Variants in ATRNL1 observed in about 807,000 individuals in gnomAD.
ATRNL1 encodes attractin-like protein 1.
Under a neutral mutation model 182.7 loss-of-function variants are expected in ATRNL1, and 95 were observed. The observed-to-expected ratio is 0.52, with a 90% CI of 0.44 to 0.62. The LOEUF (loss-of-function observed/expected upper bound fraction) is 0.62. ATRNL1 is among the 20% of genes least tolerant of loss of function. The pLI, the probability that ATRNL1 is intolerant of heterozygous loss-of-function variation, is 0.00. For missense variants in ATRNL1, 1,471 were observed against 1,679.5 expected, an observed-to-expected ratio of 0.88 and a Z score of 2.17; for synonymous variants, 576 against 568.3, an observed-to-expected ratio of 1.01 and a Z score of -0.19.
At chr10:115,860,515 C>G (rs1007301123) in intron 28 of ATRNL1, among the ~76,000 whole-genome samples, 42 of 151,770 alleles carry the variant, frequency 2.8e-4, no homozygotes, top group Admixed American at 2.0e-3. Flanking sequence ...TTAATAGATA[C>G]ATAAAATAGA....
intron 19 of ATRNL1, among the ~76,000 whole-genome samples, chr10:115,337,402 A>G (rs1375423472): frequency 6.6e-6 from 1 of 152,124 alleles, no homozygotes; most frequent in Non-Finnish European, 1.5e-5. Context: ...TACTGACTAT[A>G]GTCACCTTAT....
intron 8 of ATRNL1, among the ~76,000 whole-genome samples, chr10:115,189,125 A>G (rs1307880941): frequency 2.0e-5 from 3 of 152,066 alleles, no homozygotes; most frequent in African/African-American, 4.8e-5. Context: ...ATCCCTGGAG[A>G]TGATGTAGCT....
chr10:115,262,914 G>A (rs1030588504), intron 10 of ATRNL1, among the ~76,000 whole-genome samples: 27 of 151,926 alleles, frequency 1.8e-4, no homozygotes, highest in African/African-American at 6.5e-4. Context: ...CTGCTAATGT[G>A]AGTCAACACA....
chr10:115,512,646 A>G (rs1353148719), intron 24 of ATRNL1, among the ~76,000 whole-genome samples: 1 of 151,914 alleles, frequency 6.6e-6, no homozygotes, highest in East Asian at 1.9e-4. Flanking sequence ...TGTGAACAAT[A>G]TGAACAAGGC....
At chr10:115,274,144 A>G (rs1851997390) in intron 13 of ATRNL1, among the ~76,000 whole-genome samples, 1 of 152,216 alleles carries the variant, frequency 6.6e-6, no homozygotes, top group Admixed American at 6.5e-5. Context: ...GGCTCCAAAC[A>G]GCATCCTGTC....
intron 9 of ATRNL1, among the ~76,000 whole-genome samples, chr10:115,226,194 T>C (rs1298717902): frequency 2.0e-5 from 3 of 151,864 alleles, no homozygotes; most frequent in East Asian, 3.9e-4. Flanking sequence ...TCTGGGCCAA[T>C]TGGGTGTACA....
chr10:115,513,279 A>T (rs1352135045), intron 24 of ATRNL1, among the ~76,000 whole-genome samples: 7 of 151,932 alleles, frequency 4.6e-5, no homozygotes, highest in African/African-American at 1.7e-4. Flanking sequence ...TGCTCTCTGT[A>T]TCAAATTTTC....
intron 25 of ATRNL1, among the ~76,000 whole-genome samples, chr10:115,531,502 G>A (rs1326467583): frequency 1.3e-5 from 2 of 151,626 alleles, no homozygotes; most frequent in Non-Finnish European, 2.9e-5. Flanking sequence ...AAATTTGTTT[G>A]AGTTCATTGT....
chr10:115,583,536 AT>A (rs1418973615), intron 26 of ATRNL1, among the ~76,000 whole-genome samples: 5 of 113,616 alleles, frequency 4.4e-5, no homozygotes, highest in Non-Finnish European at 7.8e-5. Flanking sequence ...TTCACTCATG[AT>A]TTGGCTTTCT....
At chr10:115,489,745 A>G (rs2182862) in intron 24 of ATRNL1, among the ~76,000 whole-genome samples, 73,763 of 151,974 alleles carry the variant, frequency 0.49, 18,366 homozygotes, top group Middle Eastern at 0.54. Flanking sequence ...ATATTGTTAC[A>G]TGTGAATTTG....
intron 8 of ATRNL1, among the ~76,000 whole-genome samples, chr10:115,203,745 ATTTTTTTTT>A (rs71476116): frequency 9.4e-6 from 1 of 106,050 alleles, no homozygotes; most frequent in African/African-American, 4.0e-5. Flanking sequence ...ATGCCTGGCT[ATTTTTTTTT>A]TTTTTTTTTT....
chr10:115,319,012 T>G (rs1223784137), intron 18 of ATRNL1, among the ~76,000 whole-genome samples: 1 of 152,198 alleles, frequency 6.6e-6, no homozygotes, highest in Non-Finnish European at 1.5e-5. Flanking sequence ...CTTTCCAGCT[T>G]TCTCATGTGG....
At chr10:115,287,631 T>C (rs1269551974) in intron 15 of ATRNL1, among the ~76,000 whole-genome samples, 2 of 152,144 alleles carry the variant, frequency 1.3e-5, no homozygotes, top group Non-Finnish European at 2.9e-5. Context: ...GTTTAATACA[T>C]ATAATGTATA....
intron 27 of ATRNL1, among the ~76,000 whole-genome samples, chr10:115,794,242 A>G (rs1309660576): frequency 6.6e-6 from 1 of 152,036 alleles, no homozygotes; most frequent in Non-Finnish European, 1.5e-5. Flanking sequence ...TATATAAAGA[A>G]TTTTTTTCCT....
chr10:115,244,880 AT>A (rs1554903712), intron 10 of ATRNL1, among the ~76,000 whole-genome samples: 3 of 152,224 alleles, frequency 2.0e-5, no homozygotes, highest in African/African-American at 7.2e-5. Flanking sequence ...TAACAGAAAC[AT>A]GAAAATGTAA....
At chr10:115,649,322 G>A (rs1256485732) in intron 26 of ATRNL1, among the ~76,000 whole-genome samples, 1 of 152,088 alleles carries the variant, frequency 6.6e-6, no homozygotes, top group African/African-American at 2.4e-5. Context: ...GCCTCTGAAG[G>A]TCGTTTGAAA....
At chr10:115,906,328 C>G (rs1447121696) in intron 28 of ATRNL1, among the ~76,000 whole-genome samples, 1 of 152,142 alleles carries the variant, frequency 6.6e-6, no homozygotes, top group Non-Finnish European at 1.5e-5. Context: ...GATCTGGATT[C>G]AGATTTCTCT....
intron 26 of ATRNL1, among the ~76,000 whole-genome samples, chr10:115,674,284 A>G (rs1945792491): frequency 6.6e-6 from 1 of 152,048 alleles, no homozygotes; most frequent in South Asian, 2.1e-4. Context: ...GTATGAATAA[A>G]CATGACATTT....
chr10:115,436,569 T>C (rs1424378964), intron 21 of ATRNL1, among the ~76,000 whole-genome samples: 1 of 152,158 alleles, frequency 6.6e-6, no homozygotes, highest in African/African-American at 2.4e-5. Flanking sequence ...CAGTAGAAAT[T>C]CTTAATAATT....
Sources: gnomAD v4.1 joint callset for allele counts (sites outside exome capture counted in the v4.1 genomes callset) on GRCh38, gnomAD v4.1.1 for gene constraint, MANE v1.5 for transcripts, NCBI Gene and HGNC (gene_info 2026-07-23, HGNC 2026-07-21) for gene names.